The following SFXN5 variants were observed in gnomAD, a reference collection of about 807,000 sequenced individuals.
SFXN5 encodes the protein sideroflexin 5.
SFXN5 carries 43 observed loss-of-function variants against 50.2 expected under a neutral mutation model. The observed-to-expected ratio is 0.86, with a 90% CI of 0.67 to 1.11. The LOEUF is 1.11. Among genes scored for constraint, SFXN5 ranks in the 50% least tolerant of loss-of-function variants. The pLI is 0.00. For missense variants in SFXN5, 463 were observed against 454.1 expected, an observed-to-expected ratio of 1.02 and a Z score of -0.18; for synonymous variants, 203 against 185.8, an observed-to-expected ratio of 1.09 and a Z score of -0.75.
chr2:72,966,278 G>GT (rs770441800), intron 12 of SFXN5, among the ~76,000 whole-genome samples: 1 of 152,220 alleles, frequency 6.6e-6, no homozygotes, highest in Non-Finnish European at 1.5e-5. Context: ...TGTGGTACAA[G>GT]TAACAGAGTA....
At chr2:73,016,838 C>T (rs1446316061) in intron 6 of SFXN5, among the ~76,000 whole-genome samples, 2 of 152,154 alleles carry the variant, frequency 1.3e-5, no homozygotes, top group Non-Finnish European at 2.9e-5. Context: ...ATAAATTGAA[C>T]ATATCGTAAG....
At chr2:73,033,764 AGAG>A (rs1471081062) in intron 3 of SFXN5, among the ~76,000 whole-genome samples, 4 of 152,212 alleles carry the variant, frequency 2.6e-5, no homozygotes, top group Non-Finnish European at 5.9e-5. Context: ...TAAGTGCAAA[AGAG>A]GAACACTATA....
chr2:73,063,593 T>A (rs1329357287), intron 1 of SFXN5, among the ~76,000 whole-genome samples: 1 of 152,166 alleles, frequency 6.6e-6, no homozygotes, highest in East Asian at 1.9e-4. Context: ...TTTGCAGCTA[T>A]GGGTTGATTC....
At chr2:73,015,224 A>G (rs920049320) in intron 6 of SFXN5, among the ~76,000 whole-genome samples, 6 of 152,196 alleles carry the variant, frequency 3.9e-5, no homozygotes, top group Admixed American at 2.0e-4. Flanking sequence ...TGGGGAAATC[A>G]TGTTTCTCCT....
chr2:73,004,437 T>C (rs1261652924), intron 6 of SFXN5, among the ~76,000 whole-genome samples: 1 of 151,222 alleles, frequency 6.6e-6, no homozygotes, highest in Non-Finnish European at 1.5e-5. Flanking sequence ...AATGACAAGA[T>C]GGTTTAATGA....
intron 13 of SFXN5, among the ~76,000 whole-genome samples, chr2:72,947,692 C>A (rs1401467030): frequency 6.6e-6 from 1 of 152,136 alleles, no homozygotes; most frequent in African/African-American, 2.4e-5. Context: ...GAAGAGAGGA[C>A]CCTTCCTCTG....
intron 12 of SFXN5, among the ~76,000 whole-genome samples, chr2:72,968,043 C>T (rs563639781): frequency 6.6e-6 from 1 of 151,818 alleles, no homozygotes; most frequent in East Asian, 1.9e-4. Flanking sequence ...ATCTAGTCTT[C>T]CTACCTGAAT....
chr2:73,071,488 T>G lies in SFXN5; in HGVS notation c.102+116A>C, dbSNP rs1041964934. ...CCGAGGTTCCCCCCCTGGCGCTAGC[T>G]GCAGGCTCCGCTGGCCGCGGGTGGG... On this transcript the variant is annotated intron_variant, in intron 1 of 13. Transcript: ENST00000272433. The G allele has an allele frequency of 1.1e-4, 97 of 916,394 alleles. No homozygotes were observed. In the East Asian group the frequency reaches 2.5e-3, roughly 24 times the overall value. 56.8% of individuals were successfully genotyped at this position (916,394 alleles called of 1,614,324 possible).
intron 13 of SFXN5, among the ~76,000 whole-genome samples, chr2:72,957,774 T>C (rs1052197780): frequency 2.0e-5 from 3 of 152,248 alleles, no homozygotes; most frequent in Non-Finnish European, 4.4e-5. Flanking sequence ...TTTGGTGCCA[T>C]GGGTCCCAAA....
At chr2:72,995,603 A>T (rs141772155) in intron 9 of SFXN5, among the ~76,000 whole-genome samples, 1 of 152,062 alleles carries the variant, frequency 6.6e-6, no homozygotes, top group South Asian at 2.1e-4. Context: ...GCCCCCATCC[A>T]TGCCGCCTGC....
chr2:72,985,228 A>G (rs914248514), intron 10 of SFXN5, among the ~76,000 whole-genome samples: 1 of 152,164 alleles, frequency 6.6e-6, no homozygotes, highest in African/African-American at 2.4e-5. Flanking sequence ...GCACAGCCTG[A>G]GCCAGCTTCT....
At chr2:72,976,049 C>T (rs186238839) in intron 10 of SFXN5, among the ~76,000 whole-genome samples, 4 of 152,322 alleles carry the variant, frequency 2.6e-5, no homozygotes, top group Admixed American at 2.6e-4. Flanking sequence ...AAAAAAGCTA[C>T]TGAGTATGTA....
At chr2:73,064,090 T>C (rs1374373130) in intron 1 of SFXN5, among the ~76,000 whole-genome samples, 1 of 152,108 alleles carries the variant, frequency 6.6e-6, no homozygotes. Flanking sequence ...CCTTCCCACC[T>C]CCACCAGCCA....
At chr2:72,959,796 C>T (rs1673506594) in intron 13 of SFXN5, among the ~76,000 whole-genome samples, 1 of 152,174 alleles carries the variant, frequency 6.6e-6, no homozygotes, top group Non-Finnish European at 1.5e-5. Flanking sequence ...TTACGCAAGC[C>T]CCTGTCTCTC....
At chr2:73,027,158 C>T (rs1041082493) in intron 3 of SFXN5, among the ~76,000 whole-genome samples, 2 of 152,108 alleles carry the variant, frequency 1.3e-5, no homozygotes, top group Admixed American at 6.6e-5. Flanking sequence ...AGATGACAGT[C>T]CCGGCGTGTT....
chr2:73,067,375 G>A (rs1440740990), intron 1 of SFXN5, among the ~76,000 whole-genome samples: 1 of 152,148 alleles, frequency 6.6e-6, no homozygotes, highest in African/African-American at 2.4e-5. Context: ...GGACAGAAAG[G>A]AGACATTAGT....
chr2:73,040,994 T>C lies in SFXN5; in HGVS notation c.172-63A>G, dbSNP rs1033438025. 4 of 1,452,000 alleles carry C rather than the reference T, an allele frequency of 2.8e-6. No individual in the cohort carries two copies. In the African/African-American group the frequency reaches 4.2e-5, roughly 15 times the overall value. The allele number at this position is 1,452,000 out of a possible 1,614,324, so 89.9% of individuals were successfully genotyped here. A position where few individuals can be genotyped will look rare whatever the true frequency, so the allele number is the denominator to read the frequency against. On this transcript the variant is annotated intron_variant, in intron 2 of 13. Transcript: ENST00000272433. The stretch of plus-strand genomic sequence containing the variant: ...TCCAGGGCTCCCGCAAATTTTTCTT[T>C]TGTGGGATTACATCAGTATCAAATA...
At chr2:72,974,868 A>C (rs903789676) in intron 10 of SFXN5, among the ~76,000 whole-genome samples, 1 of 150,368 alleles carries the variant, frequency 6.7e-6, no homozygotes, top group Non-Finnish European at 1.5e-5. Flanking sequence ...AAAAAAAAAA[A>C]CAGAGACAGA....
rs1671681617 is a variant in SFXN5 at position 72,944,013 on chromosome 2, T to C, written c.*1009A>G. ...CTTCTCTGATAGGTGTCTAAGGAGC[T>C]GGCCTAGGCATTCTCAGGCATGAGA... is the stretch of plus-strand genomic sequence containing the variant. On this transcript the variant is annotated 3_prime_UTR_variant, in exon 14 of 14. Transcript: ENST00000272433. The C allele has an allele frequency of 6.6e-6, 1 of 152,250 alleles. No individual in the cohort carries two copies. Among genetic ancestry groups the C allele is most frequent in the South Asian group, 2.1e-4 (1 of 4,836 alleles). The allele number at this position is 152,250 out of a possible 1,614,324, so 9.4% of individuals were successfully genotyped here.
Sources: allele counts gnomAD v4.1 joint callset (sites outside exome capture counted in the v4.1 genomes callset), GRCh38; gene constraint gnomAD v4.1.1; transcripts MANE v1.5; gene names NCBI Gene and HGNC (gene_info 2026-07-23, HGNC 2026-07-21).